The following KCTD16 variants were observed in gnomAD, a reference collection of about 807,000 sequenced individuals.
KCTD16 encodes the protein BTB/POZ domain-containing protein KCTD16.
Under a neutral mutation model 33.2 loss-of-function variants are expected in KCTD16, and 13 were observed. The observed-to-expected ratio is 0.39, with a 90% CI of 0.25 to 0.62. KCTD16 has a LOEUF of 0.62. KCTD16 is among the 20% of genes least tolerant of loss of function. KCTD16 has a pLI of 0.50. For synonymous variants in KCTD16, 197 were observed against 195.3 expected (o/e 1.01, Z -0.07); for missense variants, 441 against 525.1 (o/e 0.84, Z 1.57).
At chr5:144,410,790 G>A (rs923745071) in intron 3 of KCTD16, among the ~76,000 whole-genome samples, 19 of 152,028 alleles carry the variant, frequency 1.2e-4, no homozygotes, top group African/African-American at 3.9e-4. Context: ...GTCTATAAAC[G>A]CACAAAATAA....
chr5:144,342,523 C>A lies in KCTD16; in HGVS notation c.833-131137C>A, dbSNP rs1232483477. On this transcript the variant is annotated intron_variant, in intron 3 of 3. Coordinates refer to ENST00000512467, the MANE Select transcript of KCTD16 (RefSeq NM_020768.4). ...ATATACAATCATGTCATCATCTGCA[C>A]ACAGGGACAATTTGACTTCCTCTTT... Among the ~76,000 whole-genome samples the A allele has an allele frequency of 5.3e-5, 8 of 151,934 alleles. No individual in the cohort carries two copies. In the South Asian group the frequency reaches 8.3e-4, roughly 16 times the overall value.
Position 144,207,052 on chromosome 5 carries a change from TC to T in KCTD16, c.340del (p.Gln114SerfsTer9). 2 of 1,614,030 alleles carry T rather than the reference TC, an allele frequency of 1.2e-6. No individual in the cohort carries two copies. The highest frequency in any genetic ancestry group is 1.1e-5 in the South Asian group (1 of 91,032). ...KGRLKREAEY[F>X]QLPDLVKLLT... ...AGACTGAAAAGGGAAGCTGAATACT[TC>T]CAGCTCCCAGACTTGGTCAAACTCC... On this transcript the variant is annotated frameshift_variant, in exon 3 of 4. Transcript: ENST00000512467. LOFTEE classifies it high-confidence loss of function.
intron 3 of KCTD16, among the ~76,000 whole-genome samples, chr5:144,450,128 A>G (rs1029220111): frequency 6.6e-6 from 1 of 152,032 alleles, no homozygotes; most frequent in African/African-American, 2.4e-5. Context: ...AGATTTTAAA[A>G]CTGGAAAAAG....
chr5:144,436,681 A>C (rs1561607295), intron 3 of KCTD16, among the ~76,000 whole-genome samples: 1 of 150,638 alleles, frequency 6.6e-6, no homozygotes, highest in African/African-American at 2.5e-5. Flanking sequence ...CCTGCCTCCC[A>C]GATTCAAGCT....
intron 2 of KCTD16, among the ~76,000 whole-genome samples, chr5:144,178,760 CTAAT>C (rs1242120818): frequency 7.2e-5 from 11 of 152,108 alleles, no homozygotes; most frequent in Non-Finnish European, 1.3e-4. Context: ...TTTCTTGACT[CTAAT>C]TAAAAGTTAT....
intron 3 of KCTD16, among the ~76,000 whole-genome samples, chr5:144,303,026 C>G (rs1381084982): frequency 6.6e-6 from 1 of 152,184 alleles, no homozygotes; most frequent in East Asian, 1.9e-4. Context: ...GATCATTCAT[C>G]CAGTCTTTCC....
intron 3 of KCTD16, among the ~76,000 whole-genome samples, chr5:144,460,283 T>C (rs1475121833): frequency 6.6e-6 from 1 of 152,208 alleles, no homozygotes; most frequent in African/African-American, 2.4e-5. Flanking sequence ...ATACATGATC[T>C]TCACAGGTTG....
intron 2 of KCTD16, among the ~76,000 whole-genome samples, chr5:144,186,358 A>G (rs1333392507): frequency 3.5e-4 from 27 of 77,048 alleles, no homozygotes; most frequent in African/African-American, 1.2e-3. Context: ...TTTTTAAAAA[A>G]AAAAAGAAAA....
chr5:144,269,353 C>A (rs1755232722), intron 3 of KCTD16, among the ~76,000 whole-genome samples: 1 of 151,894 alleles, frequency 6.6e-6, no homozygotes, highest in South Asian at 2.1e-4. Flanking sequence ...AAAGAAGCAA[C>A]TCATTGCATA....
intron 3 of KCTD16, among the ~76,000 whole-genome samples, chr5:144,369,935 A>G (rs546281765): frequency 1.3e-5 from 2 of 152,288 alleles, no homozygotes; most frequent in East Asian, 3.9e-4. Context: ...AGTTGGTAGG[A>G]GGTAAAAATA....
chr5:144,473,805 G>A lies in KCTD16; in HGVS notation c.978G>A (p.Glu326=), dbSNP rs749245269. The change falls in exon 4 of 4, where the codon GAG becomes GAA. Residue 326 remains glutamate, a synonymous_variant. Coordinates refer to ENST00000512467, the MANE Select transcript of KCTD16 (RefSeq NM_020768.4). ...AGTCTGAGGCCAGCTCTCCCCAGGA[G>A]ACGGTCATCTGTGGTCCCGTGACAC... ...DSQSEASSPQ[E]TVICGPVTRQ... 2 of 1,613,984 alleles carry A rather than the reference G, an allele frequency of 1.2e-6. No homozygotes were observed. Among genetic ancestry groups the A allele is most frequent in the Non-Finnish European group, 1.7e-6 (2 of 1,180,004 alleles).
intron 3 of KCTD16, among the ~76,000 whole-genome samples, chr5:144,407,382 G>T (rs76095943): frequency 0.014 from 2,039 of 148,006 alleles, 38 homozygotes; most frequent in African/African-American, 0.047. Flanking sequence ...TTTTTTTTTT[G>T]ATTTGAAAAA....
At chr5:144,243,730 A>G (rs1403957910) in intron 3 of KCTD16, among the ~76,000 whole-genome samples, 1 of 151,904 alleles carries the variant, frequency 6.6e-6, no homozygotes, top group Non-Finnish European at 1.5e-5. Context: ...GTCCCCATGA[A>G]TACTCTTTTT....
rs184402807 is a variant in KCTD16, at chr5:144,313,509, A to T, written c.832+105963A>T. Among the ~76,000 whole-genome samples, 106 of 152,334 alleles carry T rather than the reference A, an allele frequency of 7.0e-4. 1 individual carries two copies. The East Asian group carries it at 0.018, about 25-fold the overall frequency. On this transcript the variant is annotated intron_variant, in intron 3 of 3. Transcript: ENST00000512467. The stretch of plus-strand genomic sequence containing the variant: ...AGGTTTTGTTATCAGAGAGTAGATT[A>T]AAGTTTAGAGTTTAGAAAGTGCAGC...
intron 3 of KCTD16, among the ~76,000 whole-genome samples, chr5:144,304,742 C>G (rs998975944): frequency 5.9e-5 from 9 of 152,094 alleles, no homozygotes; most frequent in Non-Finnish European, 8.8e-5. Flanking sequence ...AGGAGATCAT[C>G]AAGTAGAGAA....
In KCTD16 at chr5:144,484,302, C is replaced by T. The variant is rs1408834039; in HGVS notation, c.*10188C>T. The T allele has an allele frequency of 6.6e-6, 1 of 151,836 alleles. No individual in the cohort carries two copies. The highest frequency in any genetic ancestry group is 1.5e-5 in the Non-Finnish European group (1 of 67,894). 9.4% of individuals were successfully genotyped at this position (151,836 alleles called of 1,614,324 possible). ...CGGAGCTGCACTTCAGAGAGTCCCA[C>T]TGTAATCTGTTAATAGAATCTGCTT... is the stretch of plus-strand genomic sequence containing the variant. On this transcript the variant is annotated 3_prime_UTR_variant, in exon 4 of 4. Transcript: ENST00000512467.
At chr5:144,177,894 GC>G (rs779278704) in intron 2 of KCTD16, among the ~76,000 whole-genome samples, 1 of 152,094 alleles carries the variant, frequency 6.6e-6, no homozygotes, top group Non-Finnish European at 1.5e-5. Context: ...CTACACACAT[GC>G]TCGAAAGAAC....
intron 3 of KCTD16, among the ~76,000 whole-genome samples, chr5:144,252,288 G>A (rs999187795): frequency 2.6e-5 from 4 of 152,112 alleles, no homozygotes; most frequent in African/African-American, 9.7e-5. Context: ...ATTTGGATGA[G>A]TATAAATCTG....
rs576798866 is a variant in KCTD16, at chr5:144,315,248, G to A, written c.832+107702G>A. Among the ~76,000 whole-genome samples the A allele has an allele frequency of 5.3e-5, 8 of 152,214 alleles. No homozygotes were observed. In the South Asian group the frequency reaches 1.7e-3, roughly 32 times the overall value. The stretch of plus-strand genomic sequence containing the variant: ...GCACCTCTCTCAAACCTTTCTTCCA[G>A]TAAGTCCCACTGTGATCGATTATCC... On this transcript the variant is annotated intron_variant, in intron 3 of 3. Transcript: ENST00000512467.
Sources: gnomAD v4.1 joint callset for allele counts (sites outside exome capture counted in the v4.1 genomes callset) on GRCh38, gnomAD v4.1.1 for gene constraint, MANE v1.5 for transcripts, NCBI Gene and HGNC (gene_info 2026-07-23, HGNC 2026-07-21) for gene names.